RBFOX1: variants seen among roughly 807,000 people sequenced by gnomAD.
The protein encoded by RBFOX1 is RNA binding fox-1 homolog 1, also known as RNA binding protein fox-1 homolog 1.
In RBFOX1, 8 loss-of-function variants were observed where a neutral mutation model predicts 57.7. The observed-to-expected ratio is 0.14, with a 90% CI of 0.08 to 0.25. RBFOX1 has a LOEUF of 0.25. RBFOX1 is among the 10% of genes least tolerant of loss of function. The pLI is 1.00. For synonymous variants in RBFOX1, 326 were observed against 222.4 expected (o/e 1.47, Z -4.15); for missense variants, 611 against 548.5 (o/e 1.11, Z -1.14).
chr16:7,518,560 C>A (rs1350866101), intron 5 of RBFOX1, among the ~76,000 whole-genome samples, 171 bp downstream of exon 5: 2 of 152,214 alleles, frequency 1.3e-5, no homozygotes, highest in African/African-American at 4.8e-5. Context: ...TCCATGCATT[C>A]ATTCTTAGCG....
At chr16:7,396,160 G>A (rs975041103) in intron 4 of RBFOX1, among the ~76,000 whole-genome samples, 1 of 152,048 alleles carries the variant, frequency 6.6e-6, no homozygotes, top group African/African-American at 2.4e-5. Context: ...AGGACGAGAG[G>A]AAGAAGACAG....
intron 4 of RBFOX1, among the ~76,000 whole-genome samples, chr16:7,477,043 G>T (rs1379497545): frequency 6.6e-6 from 1 of 152,088 alleles, no homozygotes; most frequent in Non-Finnish European, 1.5e-5. Flanking sequence ...CTGGAACCGT[G>T]GGTAACATGT....
At chr16:5,757,532 G>A (rs529238087) in intron 3 of RBFOX1, among the ~76,000 whole-genome samples, 1 of 152,172 alleles carries the variant, frequency 6.6e-6, no homozygotes, top group Admixed American at 6.5e-5. Context: ...ACCCAGCCGG[G>A]TGGGAAGCTT....
chr16:7,495,309 T>C (rs2068262245), intron 4 of RBFOX1, among the ~76,000 whole-genome samples: 1 of 152,224 alleles, frequency 6.6e-6, no homozygotes, highest in Non-Finnish European at 1.5e-5. Flanking sequence ...GAGATAACAA[T>C]TTCTTTTCCT....
intron 3 of RBFOX1, among the ~76,000 whole-genome samples, chr16:6,777,182 T>C (rs923996023): frequency 2.0e-5 from 3 of 152,152 alleles, no homozygotes; most frequent in African/African-American, 7.2e-5. Flanking sequence ...TTTCTGAGCT[T>C]TAGAAAAGTG....
At chr16:5,281,055 TG>T (rs1227384805) in intron 1 of RBFOX1, among the ~76,000 whole-genome samples, 2 of 152,170 alleles carry the variant, frequency 1.3e-5, no homozygotes, top group Non-Finnish European at 2.9e-5. Flanking sequence ...TCTACTTTTT[TG>T]GTGTAGGCAT....
Position 5,366,834 on chromosome 16 carries a change from A to G in RBFOX1, c.220-100382A>G. 3 of 243,224 alleles carry G rather than the reference A, an allele frequency of 1.2e-5. 1 individual carries two copies. The highest frequency in any genetic ancestry group is 2.4e-5 in the Non-Finnish European group (3 of 125,396). 15.1% of individuals were successfully genotyped at this position (243,224 alleles called of 1,614,324 possible). ...ATGTTGTCCAGGTTTCATTGCCAAG[A>G]ATGTGTTGTCCAAAATGCCTGTTTA... On this transcript the variant is annotated intron_variant, in intron 1 of 2. Coordinates refer to the RBFOX1 transcript ENST00000585867.
chr16:6,907,949 T>C (rs573165873), intron 3 of RBFOX1, among the ~76,000 whole-genome samples: 15 of 151,824 alleles, frequency 9.9e-5, no homozygotes, highest in Non-Finnish European at 1.9e-4. Context: ...CCTGCATGTT[T>C]ACATAGAGTT....
At chr16:6,822,109 G>T (rs989405065) in intron 3 of RBFOX1, among the ~76,000 whole-genome samples, 6 of 152,214 alleles carry the variant, frequency 3.9e-5, no homozygotes, top group African/African-American at 1.4e-4. Context: ...CAGCTACTGG[G>T]GGAGACAGAC....
chr16:7,628,086 G>A (rs1025419092), intron 10 of RBFOX1, among the ~76,000 whole-genome samples: 8 of 152,062 alleles, frequency 5.3e-5, no homozygotes, highest in African/African-American at 1.7e-4. Flanking sequence ...AAATTGCATC[G>A]AGGATATTGA....
chr16:7,514,444 G>C (rs1426397312), intron 4 of RBFOX1, among the ~76,000 whole-genome samples: 1 of 152,108 alleles, frequency 6.6e-6, no homozygotes, highest in Non-Finnish European at 1.5e-5. Context: ...CATGGAGATG[G>C]GACAGGGAAT....
intron 3 of RBFOX1, among the ~76,000 whole-genome samples, chr16:6,895,752 G>C (rs1009515521): frequency 1.4e-4 from 21 of 151,886 alleles, no homozygotes; most frequent in African/African-American, 5.1e-4. Context: ...TCAACAGTGA[G>C]GAATGAGCCC....
At chr16:6,859,120 TATATATATACATATATATAC>T (rs1188807844) in intron 3 of RBFOX1, among the ~76,000 whole-genome samples, 24,285 of 85,768 alleles carry the variant, frequency 0.28, 2,980 homozygotes, top group East Asian at 0.47. Context: ...TGTATATATA[TATATATATACATATATATAC>T]GTATATATAT....
Position 6,019,530 on chromosome 16 carries a change from C to A in RBFOX1, c.-589C>A. 4 of 1,072,574 alleles carry A rather than the reference C, an allele frequency of 3.7e-6. No individual in the cohort carries two copies. The highest frequency in any genetic ancestry group is 5.9e-5 in the East Asian group (1 of 17,016). 66.4% of individuals were successfully genotyped at this position (1,072,574 alleles called of 1,614,324 possible). A position where few individuals can be genotyped will look rare whatever the true frequency, so the allele number is the denominator to read the frequency against. ...CCCGCGGTGGGGCGGGGGCGCTCTG[C>A]CAGCCCCGGGAACAGCAGAGGCGGC... is the stretch of plus-strand genomic sequence containing the variant. On this transcript the variant is annotated 5_prime_UTR_variant, in exon 1 of 16. Transcript: ENST00000550418. The surrounding 1 kb of genome is among the most constrained non-coding windows in gnomAD (Gnocchi z 4.2).
At position 6,644,615 on chromosome 16, in the gene RBFOX1, G is replaced by A. The variant is rs541756207; in HGVS notation, c.-63-9988G>A. Among the ~76,000 whole-genome samples the A allele has an allele frequency of 6.6e-5, 10 of 152,310 alleles. 1 individual carries two copies. In the South Asian group the frequency reaches 1.9e-3, roughly 28 times the overall value. On this transcript the variant is annotated intron_variant, in intron 2 of 15. Coordinates refer to ENST00000550418, the MANE Select transcript of RBFOX1 (RefSeq NM_018723.4). ...GAGAACAATGCTGTGCCCAGGATAT[G>A]TGATCCTTACTTAGCTTCTCATGAC...
chr16:6,501,828 A>G (rs1422385548), intron 2 of RBFOX1, among the ~76,000 whole-genome samples: 2 of 151,608 alleles, frequency 1.3e-5, no homozygotes, highest in African/African-American at 2.4e-5. Flanking sequence ...CTGGGGGGAA[A>G]TTCTTCTTGG....
At chr16:7,270,518 G>T (rs767643604) in intron 4 of RBFOX1, among the ~76,000 whole-genome samples, 2 of 152,168 alleles carry the variant, frequency 1.3e-5, no homozygotes, top group African/African-American at 2.4e-5. Context: ...GTACCATTGG[G>T]CAGTTTCAGA....
intron 1 of RBFOX1, among the ~76,000 whole-genome samples, chr16:6,193,412 AT>A (rs1263484950): frequency 4.2e-5 from 4 of 95,664 alleles, no homozygotes; most frequent in African/African-American, 9.4e-5. Context: ...ATATATATAT[AT>A]ATATATATAT....
chr16:7,292,913 G>A (rs1433773848), intron 4 of RBFOX1, among the ~76,000 whole-genome samples: 2 of 152,108 alleles, frequency 1.3e-5, no homozygotes, highest in Non-Finnish European at 2.9e-5. Context: ...AACAACTGTT[G>A]CCGAGCTTTT....
Sources: gnomAD v4.1 joint callset for allele counts (sites outside exome capture counted in the v4.1 genomes callset) on GRCh38, gnomAD v4.1.1 for gene constraint, Gnocchi (gnomAD v3.1) non-coding constraint, MANE v1.5 for transcripts, NCBI Gene and HGNC (gene_info 2026-07-23, HGNC 2026-07-21) for gene names.